TTBK2: variants seen among roughly 807,000 people sequenced by gnomAD.
The protein encoded by TTBK2 is tau tubulin kinase 2.
TTBK2 carries 28 observed loss-of-function variants against 110.8 expected under a neutral mutation model. That is an observed-to-expected ratio of 0.25 (90% CI 0.19 to 0.35). TTBK2 has a LOEUF of 0.35. Ranked by LOEUF, TTBK2 falls within the 10% of genes least tolerant of loss-of-function variation. The pLI is 1.00. For missense variants in TTBK2, 1,369 were observed against 1,500.3 expected (o/e 0.91, Z 1.45); for synonymous variants, 532 against 527.3 (o/e 1.01, Z -0.12).
At chr15:42,913,093 C>T (rs1398939210) in intron 1 of TTBK2, among the ~76,000 whole-genome samples, 1 of 145,562 alleles carries the variant, frequency 6.9e-6, no homozygotes, top group Non-Finnish European at 1.5e-5. Flanking sequence ...CCACTGCAGT[C>T]CTCAGTCCGA....
Position 42,840,411 on chromosome 15 carries a change from A to C in TTBK2, c.240T>G (p.Phe80Leu). ...KLQGKDHVCR[F>L]IGCGRNDRFN... ...ATCGATCATTCCTCCCACAGCCAAT[A>C]AATCTACAAACATGGTCTTTCCCTG... Residue 80 changes from phenylalanine to leucine, a missense_variant, in exon 4 of 15, where the codon TTT becomes TTG. Phe to Leu is a conservative substitution (Grantham distance 22, BLOSUM62 0). Transcript: ENST00000267890. 6.2e-7 allele frequency: 1 copy of C among 1,614,028 alleles called. No homozygotes were observed. Among genetic ancestry groups the C allele is most frequent in the Non-Finnish European group, 8.5e-7 (1 of 1,179,942 alleles).
chr15:42,874,028 T>C (rs755346954), intron 2 of TTBK2, among the ~76,000 whole-genome samples: 3 of 152,244 alleles, frequency 2.0e-5, no homozygotes, highest in Non-Finnish European at 4.4e-5. Flanking sequence ...TTAATCACTT[T>C]ACCAGGCCAT....
intron 3 of TTBK2, among the ~76,000 whole-genome samples, chr15:42,846,199 CT>C (rs796155471): frequency 5.3e-4 from 75 of 140,628 alleles, no homozygotes; most frequent in Admixed American, 9.9e-4. Context: ...TTTTTTCTTT[CT>C]TTTTTTTTTT....
intron 3 of TTBK2, chr15:42,871,594 T>C (rs1022647803): frequency 9.1e-6 from 9 of 985,212 alleles, no homozygotes; most frequent in Non-Finnish European, 1.1e-5. Context: ...GCTCTGGCTG[T>C]ACCTGTTTGT....
At chr15:42,907,608 A>G (rs984084670) in intron 1 of TTBK2, among the ~76,000 whole-genome samples, 3 of 152,192 alleles carry the variant, frequency 2.0e-5, no homozygotes, top group Non-Finnish European at 4.4e-5. Flanking sequence ...CCAGAGCTAA[A>G]AGAGTAATCT....
intron 1 of TTBK2, among the ~76,000 whole-genome samples, chr15:42,914,570 G>C (rs1178559658): frequency 1.3e-5 from 2 of 152,178 alleles, no homozygotes; most frequent in African/African-American, 4.8e-5. Flanking sequence ...AGAATCCAAA[G>C]TAGAAACCCA....
At chr15:42,855,281 T>C (rs1463107403) in intron 3 of TTBK2, 1 of 152,170 alleles carries the variant, frequency 6.6e-6, no homozygotes, top group Admixed American at 6.6e-5. Context: ...ACAGTCCTTA[T>C]TAAAACCTAT....
At chr15:42,751,584 T>A (rs1260384771) in intron 14 of TTBK2, among the ~76,000 whole-genome samples, 1 of 152,044 alleles carries the variant, frequency 6.6e-6, no homozygotes, top group Non-Finnish European at 1.5e-5. Flanking sequence ...TTTAAAAAAA[T>A]AAAATAAAAT....
intron 5 of TTBK2, 22 bp downstream of exon 5, chr15:42,829,916 T>C (rs1180636694): frequency 6.2e-7 from 1 of 1,614,012 alleles, no homozygotes; most frequent in South Asian, 1.1e-5. Context: ...CATTCTGTGC[T>C]CTGGATAGAA....
At chr15:42,805,290 T>C (rs1319436277) in intron 9 of TTBK2, among the ~76,000 whole-genome samples, 1 of 152,214 alleles carries the variant, frequency 6.6e-6, no homozygotes, top group African/African-American at 2.4e-5. Flanking sequence ...CCCTGGCTCT[T>C]AAGGAGCTTA....
At chr15:42,863,234 C>T (rs553282532) in intron 3 of TTBK2, among the ~76,000 whole-genome samples, 3 of 152,092 alleles carry the variant, frequency 2.0e-5, no homozygotes, top group African/African-American at 7.2e-5. Flanking sequence ...ACAAAACCAA[C>T]GTACAAAAAT....
rs759930908 is a variant in TTBK2, at chr15:42,745,899, G to A, written c.3631C>T (p.Pro1211Ser). ...GATCCTTTCAGGCCATTCTTGCTGG[G>A]TTTGCAATGCTCCTGTTGGCAGGAC... Reference protein sequence around the residue: ...RRSCQQEHCKPSKNGLKGSGS... With the variant: ...RRSCQQEHCKSSKNGLKGSGS... The change falls in exon 15 of 15, where the codon CCC becomes TCC. Residue 1211 changes from proline to serine, a missense_variant. By Grantham distance (74) the Pro-to-Ser change is moderately conservative. This residue lies in a region of TTBK2 where 1,097 missense variants were observed against 1,114.7 expected (regional missense o/e 0.98). Coordinates refer to ENST00000267890, the MANE Select transcript of TTBK2 (RefSeq NM_173500.4). 7.4e-6 allele frequency: 12 copies of A among 1,613,978 alleles called. No individual in the cohort carries two copies. The Admixed American group carries it at 2.0e-4, about 27-fold the overall frequency.
rs897816474 is a variant in TTBK2, at chr15:42,745,838, G to A, written c.3692C>T (p.Thr1231Ile). The change falls in exon 15 of 15, where the codon ACC becomes ATC. Residue 1231 changes from threonine (T) to isoleucine (I), a missense_variant. This residue lies in a region of TTBK2 where 1,097 missense variants were observed against 1,114.7 expected (regional missense o/e 0.98). Coordinates refer to ENST00000267890, the MANE Select transcript of TTBK2 (RefSeq NM_173500.4). The stretch of plus-strand genomic sequence containing the variant: ...GGCTGGCTTACTCTTCCCTTGGGGG[G>A]TTTTAGTGCTGGCTGAGTGGTGGTG... The part of the protein sequence containing the change: ...SLHHHSASTK[T>I]PQGKSKPASK... The A allele has an allele frequency of 1.3e-5, 21 of 1,614,066 alleles. No individual in the cohort carries two copies. The highest frequency in any genetic ancestry group is 1.7e-5 in the Non-Finnish European group (20 of 1,180,050).
Position 42,742,610 on chromosome 15 carries a change from G to A in TTBK2, c.*3185C>T, listed in dbSNP as rs191885349. ...TAATTCTACCTTCTGTTCCACTCAA[G>A]TACCTCCAGGGACTAACAAGGGAAG... On this transcript the variant is annotated 3_prime_UTR_variant, in exon 15 of 15. Coordinates refer to ENST00000267890, the MANE Select transcript of TTBK2 (RefSeq NM_173500.4). The A allele has an allele frequency of 3.9e-5, 6 of 152,284 alleles. No individual in the cohort carries two copies. The highest frequency in any genetic ancestry group is 2.9e-5 in the Non-Finnish European group (2 of 68,018). 9.4% of individuals were successfully genotyped at this position (152,284 alleles called of 1,614,324 possible).
chr15:42,897,870 C>T (rs1895729674), intron 1 of TTBK2, among the ~76,000 whole-genome samples: 1 of 149,550 alleles, frequency 6.7e-6, no homozygotes, highest in East Asian at 2.0e-4. Flanking sequence ...ACACACGGAA[C>T]TTCCAATCAG....
chr15:42,899,912 GA>G (rs1347771780), intron 1 of TTBK2, among the ~76,000 whole-genome samples: 1 of 151,050 alleles, frequency 6.6e-6, no homozygotes, highest in Non-Finnish European at 1.5e-5. Context: ...CAAGAAAAAA[GA>G]AAAGAAAAGT....
At chr15:42,786,453 CAAG>C (rs1347952845) in intron 10 of TTBK2, among the ~76,000 whole-genome samples, 1 of 152,202 alleles carries the variant, frequency 6.6e-6, no homozygotes. Flanking sequence ...TATTTGAACT[CAAG>C]AAGCTTAGTC....
chr15:42,874,972 T>A (rs1281478728), intron 2 of TTBK2, among the ~76,000 whole-genome samples: 1 of 592 alleles, frequency 1.7e-3, no homozygotes, highest in African/African-American at 3.2e-3. Flanking sequence ...GGCAACAGTG[T>A]GAGACTGCCT....
Position 42,798,793 on chromosome 15 carries a change from A to G in TTBK2, c.823-3992T>C, listed in dbSNP as rs765495326. Among the ~76,000 whole-genome samples, 23 of 152,356 alleles carry G rather than the reference A, an allele frequency of 1.5e-4. 1 individual carries two copies. The highest frequency in any genetic ancestry group is 7.3e-5 in the Non-Finnish European group (5 of 68,040). The stretch of plus-strand genomic sequence containing the variant: ...CACCAGAAGCAATTATCTTCGGGAA[A>G]GTGAATCTTCTGTAAATGGATGTAG... On this transcript the variant is annotated intron_variant, in intron 9 of 14. Coordinates refer to ENST00000267890, the MANE Select transcript of TTBK2 (RefSeq NM_173500.4).
Sources: gnomAD v4.1 joint callset for allele counts (sites outside exome capture counted in the v4.1 genomes callset) on GRCh38, gnomAD v4.1.1 for gene constraint, gnomAD v4.1.1 regional missense constraint, MANE v1.5 for transcripts, NCBI Gene and HGNC (gene_info 2026-07-23, HGNC 2026-07-21) for gene names.